The following FSIP1 variants were observed in gnomAD, a reference collection of about 807,000 sequenced individuals.
FSIP1 encodes fibrous sheath-interacting protein 1.
A neutral mutation model predicts 60.9 loss-of-function variants in FSIP1; 65 were observed. That is an observed-to-expected ratio of 1.07 (90% confidence interval 0.87 to 1.31). FSIP1 has a LOEUF of 1.31. FSIP1 is among the 40% of genes most tolerant of loss of function. The pLI, the probability that FSIP1 is intolerant of heterozygous loss-of-function variation, is 0.00. For missense variants in FSIP1, 675 were observed against 665.5 expected, an observed-to-expected ratio of 1.01 and a Z score of -0.16; for synonymous variants, 209 against 221.2, an observed-to-expected ratio of 0.94 and a Z score of 0.49.
At position 39,751,995 on chromosome 15, in the gene FSIP1, C is replaced by A. The variant is rs544775653; in HGVS notation, c.560-10095G>T. Reference sequence around the variant, plus strand: ...ATTTTTAAGAATATCAAAACCATGACCACAATATTATGAGACTCAATATTC... The same window carrying A: ...ATTTTTAAGAATATCAAAACCATGAACACAATATTATGAGACTCAATATTC... On this transcript the variant is annotated intron_variant, in intron 5 of 11. Transcript: ENST00000350221. Among the ~76,000 whole-genome samples the A allele has an allele frequency of 1.6e-3, 241 of 151,836 alleles. 1 individual carries two copies. Among genetic ancestry groups the A allele is most frequent in the Non-Finnish European group, 2.6e-3 (178 of 67,842 alleles).
intron 8 of FSIP1, among the ~76,000 whole-genome samples, chr15:39,736,405 T>C (rs1318337120): frequency 6.6e-5 from 10 of 152,246 alleles, no homozygotes; most frequent in Admixed American, 3.3e-4. Context: ...TTTTGCTTTT[T>C]GGTGGAAGGG....
At position 39,711,676 on chromosome 15, in the gene FSIP1, C is replaced by CTTTTTTTTTT. The variant is rs66840718; in HGVS notation, c.1188+1758_1188+1767dup. On this transcript the variant is annotated intron_variant, in intron 10 of 11. Transcript: ENST00000350221. ...TTACACTTCCCTACCATTCCTACTT[C>CTTTTTTTTTT]TTTTTTTTTTTTTTTTTTTTTTTTG... 1.2e-4 allele frequency among the ~76,000 whole-genome samples: 10 copies of CTTTTTTTTTT among 85,734 alleles called. 1 individual carries two copies. Among genetic ancestry groups the CTTTTTTTTTT allele is most frequent in the African/African-American group, 2.0e-4 (4 of 19,816 alleles). The allele number at this position is 85,734 out of a possible 152,430, so 56.2% of individuals were successfully genotyped here. A position where few individuals can be genotyped will look rare whatever the true frequency, so the allele number is the denominator to read the frequency against.
At chr15:39,731,503 A>G (rs1896402060) in intron 8 of FSIP1, among the ~76,000 whole-genome samples, 1 of 152,232 alleles carries the variant, frequency 6.6e-6, no homozygotes, top group Non-Finnish European at 1.5e-5. Context: ...GAATGGGATT[A>G]TTTTCATATG....
intron 10 of FSIP1, among the ~76,000 whole-genome samples, chr15:39,645,600 C>T (rs764987585): frequency 6.6e-6 from 1 of 152,184 alleles, no homozygotes; most frequent in Non-Finnish European, 1.5e-5. Context: ...AGTTGGGAAG[C>T]AGGCAGGAGC....
At chr15:39,608,722 C>T (rs182329409) in intron 11 of FSIP1, among the ~76,000 whole-genome samples, 29 of 152,304 alleles carry the variant, frequency 1.9e-4, no homozygotes, top group African/African-American at 6.5e-4. Context: ...AAGTTCTACT[C>T]AGGAAGATGG....
At chr15:39,654,951 T>A (rs1166471902) in intron 10 of FSIP1, among the ~76,000 whole-genome samples, 1 of 152,230 alleles carries the variant, frequency 6.6e-6, no homozygotes, top group Non-Finnish European at 1.5e-5. Flanking sequence ...ACACACCAGC[T>A]GATAAAAACA....
In FSIP1 at chr15:39,617,722, C is replaced by G; in HGVS notation, c.1699+13G>C. ...AGAATTATTTACCAAAACACATGTT[C>G]GCCAAGCCTCACCTGCTATTGTATT... On this transcript the variant is annotated intron_variant, in intron 11 of 11. Transcript: ENST00000350221. 6.3e-7 allele frequency: 1 copy of G among 1,598,058 alleles called. No homozygotes were observed. Among genetic ancestry groups the G allele is most frequent in the Non-Finnish European group, 8.5e-7 (1 of 1,172,044 alleles).
intron 9 of FSIP1, among the ~76,000 whole-genome samples, chr15:39,720,020 G>C (rs1352795725): frequency 6.6e-6 from 1 of 152,158 alleles, no homozygotes; most frequent in African/African-American, 2.4e-5. Flanking sequence ...TGGTCAATAA[G>C]ATTTCTGTGC....
intron 10 of FSIP1, among the ~76,000 whole-genome samples, chr15:39,699,262 T>C (rs143916228): frequency 6.6e-6 from 1 of 152,338 alleles, no homozygotes; most frequent in African/African-American, 2.4e-5. Context: ...TTTGCAGTTG[T>C]TAATGTGTAC....
intron 10 of FSIP1, among the ~76,000 whole-genome samples, chr15:39,654,942 C>A (rs188416652): frequency 1.3e-5 from 2 of 152,314 alleles, no homozygotes; most frequent in African/African-American, 4.8e-5. Flanking sequence ...TGGAAAAAGA[C>A]ACACCAGCTG....
At chr15:39,651,473 A>C (rs925475010) in intron 10 of FSIP1, among the ~76,000 whole-genome samples, 7 of 152,234 alleles carry the variant, frequency 4.6e-5, no homozygotes, top group Admixed American at 2.0e-4. Flanking sequence ...TGAAAAGTGC[A>C]TTATTTCCTC....
chr15:39,645,972 G>A (rs1033375079), intron 10 of FSIP1, among the ~76,000 whole-genome samples: 1 of 152,212 alleles, frequency 6.6e-6, no homozygotes, highest in African/African-American at 2.4e-5. Flanking sequence ...CCTGTGGACG[G>A]GAGAGGAGAC....
chr15:39,681,629 TAAC>T (rs982148466), intron 10 of FSIP1, among the ~76,000 whole-genome samples: 1 of 152,094 alleles, frequency 6.6e-6, no homozygotes, highest in African/African-American at 2.4e-5. Context: ...AAGCAGCTTA[TAAC>T]AACAACTACA....
At chr15:39,655,296 T>C (rs1168304248) in intron 10 of FSIP1, among the ~76,000 whole-genome samples, 9 of 152,230 alleles carry the variant, frequency 5.9e-5, no homozygotes, top group Admixed American at 2.0e-4. Context: ...AGGGTCTCCA[T>C]GGATATACAC....
At chr15:39,718,782 C>A (rs1015127505) in intron 9 of FSIP1, among the ~76,000 whole-genome samples, 2 of 152,152 alleles carry the variant, frequency 1.3e-5, no homozygotes, top group Non-Finnish European at 1.5e-5. Context: ...CAGATGTGAG[C>A]CACTGATTTT....
At chr15:39,745,088 G>A (rs917963543) in intron 5 of FSIP1, among the ~76,000 whole-genome samples, 2 of 150,162 alleles carry the variant, frequency 1.3e-5, no homozygotes, top group Non-Finnish European at 3.0e-5. Context: ...AGATTCACGC[G>A]CCACCCCGCC....
At chr15:39,635,529 G>C (rs56715321) in intron 10 of FSIP1, among the ~76,000 whole-genome samples, 3,346 of 152,186 alleles carry the variant, frequency 0.022, 122 homozygotes, top group African/African-American at 0.076. Context: ...TTAGTTCCAT[G>C]TAAGGGATGT....
At chr15:39,693,912 T>C (rs1994379) in intron 10 of FSIP1, among the ~76,000 whole-genome samples, 65,092 of 151,896 alleles carry the variant, frequency 0.43, 14,133 homozygotes, top group Non-Finnish European at 0.47. Context: ...TGAAGGAACA[T>C]AGAAGAATAG....
intron 10 of FSIP1, among the ~76,000 whole-genome samples, chr15:39,709,105 A>C (rs1320036): frequency 0.83 from 125,953 of 152,184 alleles, 52,455 homozygotes; most frequent in Non-Finnish European, 0.87. Flanking sequence ...CTTTTCCAGC[A>C]TTTACTGACA....
Sources: gnomAD v4.1 joint callset for allele counts (sites outside exome capture counted in the v4.1 genomes callset) on GRCh38, gnomAD v4.1.1 for gene constraint, MANE v1.5 for transcripts, NCBI Gene and HGNC (gene_info 2026-07-23, HGNC 2026-07-21) for gene names.